The following ZNF429 variants were observed in gnomAD, a reference collection of about 807,000 sequenced individuals.
ZNF429 encodes zinc finger protein 429.
Under a neutral mutation model 56.8 loss-of-function variants are expected in ZNF429, and 53 were observed. That is an observed-to-expected ratio of 0.93 (90% confidence interval 0.75 to 1.17). The LOEUF (loss-of-function observed/expected upper bound fraction) is 1.17, where lower values mean the gene tolerates loss of function less well. Ranked by LOEUF, ZNF429 falls within the 50% of genes most tolerant of loss-of-function variation. The pLI is 0.00. For missense variants in ZNF429, 849 were observed against 788.4 expected (o/e 1.08, Z -0.92); for synonymous variants, 278 against 264.7 (o/e 1.05, Z -0.49).
intron 3 of ZNF429, among the ~76,000 whole-genome samples, chr19:21,531,121 AAAAAAAAACC>A: frequency 8.6e-5 from 9 of 104,892 alleles, no homozygotes; most frequent in African/African-American, 1.1e-4. Context: ...AAAAAAAAAA[AAAAAAAAACC>A]AAAAAAAAAA....
intron 1 of ZNF429, chr19:21,528,989 G>T (rs2033271330): frequency 6.6e-6 from 1 of 151,998 alleles, no homozygotes; most frequent in African/African-American, 2.4e-5. Flanking sequence ...TGCAGCTGAT[G>T]CCATCACATT....
rs2033858746 is a variant in ZNF429 at position 21,539,809 on chromosome 19, C to T, written c.*1731C>T. Among the ~76,000 whole-genome samples the T allele has an allele frequency of 1.3e-5, 2 of 152,082 alleles. No individual in the cohort carries two copies. The highest frequency in any genetic ancestry group is 1.3e-4 in the Admixed American group (2 of 15,250). ...ATGATATAATTCAAGTATCAAATTA[C>T]TTCATGCTGTTTCATTGTTCCTATT... On this transcript the variant is annotated 3_prime_UTR_variant, in exon 4 of 4. Coordinates refer to ENST00000358491, the MANE Select transcript of ZNF429 (RefSeq NM_001001415.4).
At chr19:21,535,624 C>T in intron 3 of ZNF429, among the ~76,000 whole-genome samples, 1 of 151,378 alleles carries the variant, frequency 6.6e-6, no homozygotes, top group East Asian at 1.9e-4. Context: ...AAGTGATTCT[C>T]CTGCCTCAGC....
intron 1 of ZNF429, chr19:21,507,717 T>C (rs566439622): frequency 6.5e-6 from 1 of 153,048 alleles, no homozygotes; most frequent in Admixed American, 6.5e-5. Flanking sequence ...TTTTCTCCCA[T>C]AGGACAACCT....
intron 3 of ZNF429, among the ~76,000 whole-genome samples, chr19:21,535,355 TTTCTTC>T: frequency 1.1e-5 from 1 of 94,114 alleles, no homozygotes. Context: ...TTTCCTTTCT[TTTCTTC>T]TTTCTTTCTT....
At position 21,536,424 on chromosome 19, in the gene ZNF429, A is replaced by G; in HGVS notation, c.371A>G (p.Lys124Arg). ...GGCTATAAAACTGTAGGTGATTGTA[A>G]GCTATACAAAGGAGGTTATAATGGA... ...RKGYKTVGDC[K>R]LYKGGYNGLN... Residue 124 changes from lysine (K) to arginine (R), a missense_variant, in exon 4 of 4, where the codon AAG (lysine) becomes AGG (arginine). Lys to Arg is a conservative substitution (Grantham distance 26, BLOSUM62 2). Coordinates refer to ENST00000358491, the MANE Select transcript of ZNF429 (RefSeq NM_001001415.4). 6.2e-7 allele frequency: 1 copy of G among 1,613,942 alleles called. No homozygotes were observed. Among genetic ancestry groups the G allele is most frequent in the Non-Finnish European group, 8.5e-7 (1 of 1,179,922 alleles).
intron 1 of ZNF429, among the ~76,000 whole-genome samples, chr19:21,511,895 C>T (rs998236496): frequency 5.3e-5 from 8 of 152,076 alleles, no homozygotes; most frequent in African/African-American, 9.7e-5. Flanking sequence ...GCCAACACAG[C>T]GAAACCCCGT....
At chr19:21,510,932 G>A (rs2032424622) in intron 1 of ZNF429, among the ~76,000 whole-genome samples, 1 of 152,056 alleles carries the variant, frequency 6.6e-6, no homozygotes, top group African/African-American at 2.4e-5. Context: ...CAAGGCAGAA[G>A]AATTTTTCTT....
Position 21,515,160 on chromosome 19 carries a change from C to T in ZNF429, c.3+9386C>T, listed in dbSNP as rs181394670. On this transcript the variant is annotated intron_variant, in intron 1 of 3. Transcript: ENST00000358491. ...TTCTCCATGTTGGCCAGACTGGTCTCGAACTCCTGACCTGAAGTGATCCCC... is the reference window on the plus strand; with the variant it reads ...TTCTCCATGTTGGCCAGACTGGTCTTGAACTCCTGACCTGAAGTGATCCCC... Among the ~76,000 whole-genome samples, 47 of 151,266 alleles carry T rather than the reference C, an allele frequency of 3.1e-4. No individual in the cohort carries two copies. In the East Asian group the frequency reaches 7.2e-3, roughly 23 times the overall value.
At position 21,539,425 on chromosome 19, in the gene ZNF429, T is replaced by C. The variant is rs2681380; in HGVS notation, c.*1347T>C. Among the ~76,000 whole-genome samples the C allele has an allele frequency of 0.19, 28,370 of 151,982 alleles. 2,696 individuals carry two copies. The highest frequency in any genetic ancestry group is 0.22 in the Middle Eastern group (64 of 294). ...GCAAAGTTATATTCAAAGTGTACTT[T>C]TTATTTATTTTTTTGAGATGGAGTC... On this transcript the variant is annotated 3_prime_UTR_variant, in exon 4 of 4. Transcript: ENST00000358491.
chr19:21,538,156 G>C lies in ZNF429; in HGVS notation c.*78G>C, dbSNP rs951967010. 74 of 637,586 alleles carry C rather than the reference G, an allele frequency of 1.2e-4. No homozygotes were observed. Among genetic ancestry groups the C allele is most frequent in the Non-Finnish European group, 1.5e-4 (58 of 392,756 alleles). The allele number at this position is 637,586 out of a possible 1,614,324, so 39.5% of individuals were successfully genotyped here. ...TAGCCAGGCGTGGTGGTGGGCACTT[G>C]TAGTCCCACCTACTCGGGAGGCTGA... is the stretch of plus-strand genomic sequence containing the variant. On this transcript the variant is annotated 3_prime_UTR_variant, in exon 4 of 4. Coordinates refer to ENST00000358491, the MANE Select transcript of ZNF429 (RefSeq NM_001001415.4).
chr19:21,525,769 A>G (rs2033143546), intron 1 of ZNF429, among the ~76,000 whole-genome samples: 1 of 149,588 alleles, frequency 6.7e-6, no homozygotes, highest in Non-Finnish European at 1.5e-5. Context: ...ATTCCTCTAA[A>G]CTACATTAAA....
chr19:21,526,787 C>G (rs2145455774), intron 1 of ZNF429, among the ~76,000 whole-genome samples: 1 of 152,294 alleles, frequency 6.6e-6, no homozygotes, highest in Non-Finnish European at 1.5e-5. Context: ...TTGGGGGTGT[C>G]TCTCAGGTCC....
chr19:21,517,673 C>T (rs2032811786), intron 1 of ZNF429, among the ~76,000 whole-genome samples: 1 of 150,516 alleles, frequency 6.6e-6, no homozygotes, highest in Non-Finnish European at 1.5e-5. Context: ...TGTATTTGCC[C>T]AGAAATTTAT....
At position 21,516,689 on chromosome 19, in the gene ZNF429, A is replaced by G. The variant is rs753001829; in HGVS notation, c.3+10915A>G. Among the ~76,000 whole-genome samples the G allele has an allele frequency of 8.5e-5, 13 of 152,148 alleles. No homozygotes were observed. In the South Asian group the frequency reaches 2.1e-3, roughly 24 times the overall value. On this transcript the variant is annotated intron_variant, in intron 1 of 3. Coordinates refer to ENST00000358491, the MANE Select transcript of ZNF429 (RefSeq NM_001001415.4). ...GGTTAGCTGTATTTCTAGATATTCTATTCTTTTTGTGGCAGTTGTGAATGG... is the reference window on the plus strand; with the variant it reads ...GGTTAGCTGTATTTCTAGATATTCTGTTCTTTTTGTGGCAGTTGTGAATGG...
rs975186806 is a variant in ZNF429, at chr19:21,539,594, T to TTG, written c.*1517_*1518insGT. Among the ~76,000 whole-genome samples the TTG allele has an allele frequency of 1.3e-5, 2 of 151,362 alleles. No individual in the cohort carries two copies. The highest frequency in any genetic ancestry group is 2.9e-5 in the Non-Finnish European group (2 of 67,864). Reference sequence around the variant, plus strand: ...ACACCAGCATGTCTGGCTATTTTTTTTTTTTTTTGTATTTTTAGTAGAGAT... The same window carrying TTG: ...ACACCAGCATGTCTGGCTATTTTTTTTGTTTTTTTTGTATTTTTAGTAGAGAT... On this transcript the variant is annotated 3_prime_UTR_variant, in exon 4 of 4. Transcript: ENST00000358491.
At chr19:21,516,305 C>A (rs2032741175) in intron 1 of ZNF429, among the ~76,000 whole-genome samples, 1 of 151,908 alleles carries the variant, frequency 6.6e-6, no homozygotes, top group Non-Finnish European at 1.5e-5. Flanking sequence ...GCCAGGATGG[C>A]TTCAATCCCC....
At chr19:21,526,699 G>A (rs2033183957) in intron 1 of ZNF429, among the ~76,000 whole-genome samples, 1 of 152,096 alleles carries the variant, frequency 6.6e-6, no homozygotes, top group Non-Finnish European at 1.5e-5. Context: ...AAACCTTAAC[G>A]ATGTATATAT....
chr19:21,512,803 G>T (rs1321145572), intron 1 of ZNF429, among the ~76,000 whole-genome samples: 2 of 151,866 alleles, frequency 1.3e-5, no homozygotes, highest in East Asian at 3.9e-4. Context: ...ATTTTTATGA[G>T]AGCAAGAAGA....
Sources: gnomAD v4.1 joint callset for allele counts (sites outside exome capture counted in the v4.1 genomes callset) on GRCh38, gnomAD v4.1.1 for gene constraint, MANE v1.5 for transcripts, NCBI Gene and HGNC (gene_info 2026-07-23, HGNC 2026-07-21) for gene names.